Variants in PTPRD observed in about 807,000 individuals in gnomAD.
PTPRD encodes the protein receptor-type tyrosine-protein phosphatase delta.
Under a neutral mutation model 214.5 loss-of-function variants are expected in PTPRD, and 34 were observed. The ratio of observed to expected loss-of-function variants is 0.16; its 90% CI spans 0.12 to 0.21. The LOEUF (loss-of-function observed/expected upper bound fraction) is 0.21. PTPRD is among the 10% of genes least tolerant of loss of function. The pLI is 1.00. For synonymous variants in PTPRD, 1,128 were observed against 845.7 expected (o/e 1.33, Z -5.79); for missense variants, 2,545 against 2,398.7 (o/e 1.06, Z -1.27).
At chr9:9,222,915 C>A (rs919553832) in intron 9 of PTPRD, among the ~76,000 whole-genome samples, 3 of 152,048 alleles carry the variant, frequency 2.0e-5, no homozygotes, top group Non-Finnish European at 4.4e-5. Flanking sequence ...ATTTAAAAAA[C>A]AATGCAGATT....
At chr9:8,424,602 G>C (rs1195075911) in intron 35 of PTPRD, among the ~76,000 whole-genome samples, 3 of 151,922 alleles carry the variant, frequency 2.0e-5, no homozygotes, top group Non-Finnish European at 4.4e-5. Flanking sequence ...AGACTATTAT[G>C]ATATTAAAAT....
chr9:8,787,360 A>C (rs183416548), intron 11 of PTPRD, among the ~76,000 whole-genome samples: 18 of 152,300 alleles, frequency 1.2e-4, no homozygotes, highest in Admixed American at 2.0e-4. Context: ...CTCTAATATT[A>C]AAAATGGGTA....
intron 5 of PTPRD, among the ~76,000 whole-genome samples, chr9:9,824,042 C>T (rs1278567842): frequency 2.6e-5 from 4 of 151,880 alleles, no homozygotes; most frequent in Non-Finnish European, 5.9e-5. Context: ...ATGCAGTCAA[C>T]TCTTAGTTTC....
chr9:8,960,940 T>C (rs2099155371), intron 11 of PTPRD, among the ~76,000 whole-genome samples: 1 of 152,150 alleles, frequency 6.6e-6, no homozygotes, highest in African/African-American at 2.4e-5. Context: ...TATGAAGTTT[T>C]ATCTTGTTCC....
intron 7 of PTPRD, among the ~76,000 whole-genome samples, chr9:9,628,310 C>T (rs1055147908): frequency 3.9e-5 from 6 of 152,154 alleles, no homozygotes; most frequent in African/African-American, 1.4e-4. Context: ...CTTACAGGGG[C>T]TTATTCCATA....
In PTPRD at chr9:9,623,775, C is replaced by T. The variant is rs116628928; in HGVS notation, c.-286-48994G>A. On this transcript the variant is annotated intron_variant, in intron 7 of 45. Coordinates refer to ENST00000381196, the MANE Select transcript of PTPRD (RefSeq NM_002839.4). ...AAAGCTTGAAAAGCATTCCACAATA[C>T]ATTGACAGTCAACTTGTGAAAACAA... Among the ~76,000 whole-genome samples, 571 of 152,254 alleles carry T rather than the reference C, an allele frequency of 3.8e-3. 4 individuals are homozygous for T. Among genetic ancestry groups the T allele is most frequent in the African/African-American group, 0.013 (544 of 41,558 alleles).
intron 3 of PTPRD, among the ~76,000 whole-genome samples, chr9:10,218,466 G>C (rs2099551618): frequency 6.6e-6 from 1 of 151,814 alleles, no homozygotes; most frequent in Non-Finnish European, 1.5e-5. Flanking sequence ...AAAATTTTTA[G>C]CCTTTAGTAT....
At chr9:10,200,000 A>G (rs550033481) in intron 3 of PTPRD, among the ~76,000 whole-genome samples, 1 of 152,144 alleles carries the variant, frequency 6.6e-6, no homozygotes, top group Non-Finnish European at 1.5e-5. Flanking sequence ...TTAAAATACA[A>G]TTATTTATCC....
At chr9:10,035,886 C>T (rs1442834169) in intron 3 of PTPRD, among the ~76,000 whole-genome samples, 2 of 148,516 alleles carry the variant, frequency 1.3e-5, no homozygotes, top group African/African-American at 5.0e-5. Flanking sequence ...ATGCTTCTGA[C>T]AACTAACTTT....
At chr9:9,693,695 C>T (rs2097316822) in intron 7 of PTPRD, among the ~76,000 whole-genome samples, 1 of 152,132 alleles carries the variant, frequency 6.6e-6, no homozygotes, top group Non-Finnish European at 1.5e-5. Context: ...CTATGTCTTT[C>T]TCTACCTCCT....
chr9:9,987,549 G>C (rs2095760323), intron 4 of PTPRD, among the ~76,000 whole-genome samples: 1 of 152,110 alleles, frequency 6.6e-6, no homozygotes, highest in South Asian at 2.1e-4. Flanking sequence ...GCACGGGAAA[G>C]ACCTGCCCCG....
At chr9:8,498,513 G>C (rs1042237224) in intron 25 of PTPRD, among the ~76,000 whole-genome samples, 1 of 152,184 alleles carries the variant, frequency 6.6e-6, no homozygotes, top group South Asian at 2.1e-4. Context: ...CTTGACCAGG[G>C]GATCCGTCCG....
At chr9:8,578,711 T>C (rs958434839) in intron 14 of PTPRD, among the ~76,000 whole-genome samples, 8 of 152,144 alleles carry the variant, frequency 5.3e-5, no homozygotes, top group Non-Finnish European at 1.2e-4. Flanking sequence ...CTTAACATGT[T>C]GTACTTTATT....
chr9:9,106,403 C>T (rs1215431784), intron 10 of PTPRD, among the ~76,000 whole-genome samples: 3 of 151,278 alleles, frequency 2.0e-5, no homozygotes, highest in African/African-American at 7.3e-5. Context: ...TTAATCTTTC[C>T]AGCATCCATA....
At chr9:8,956,398 T>C (rs959061978) in intron 11 of PTPRD, among the ~76,000 whole-genome samples, 2 of 151,958 alleles carry the variant, frequency 1.3e-5, no homozygotes, top group African/African-American at 4.8e-5. Context: ...TAATTTTACA[T>C]TGTCTTTTTT....
intron 9 of PTPRD, among the ~76,000 whole-genome samples, chr9:9,337,776 T>C (rs1351849876): frequency 6.6e-6 from 1 of 152,208 alleles, no homozygotes; most frequent in Non-Finnish European, 1.5e-5. Flanking sequence ...AATTGTTCTC[T>C]TGATAACTAT....
chr9:10,608,509 T>G (rs73398242), intron 2 of PTPRD, among the ~76,000 whole-genome samples: 1 of 152,068 alleles, frequency 6.6e-6, no homozygotes, highest in South Asian at 2.1e-4. Context: ...ACAAGATGGC[T>G]GCCCCTAACT....
chr9:8,719,434 C>A (rs1479224717), intron 12 of PTPRD, among the ~76,000 whole-genome samples: 5 of 152,310 alleles, frequency 3.3e-5, no homozygotes, highest in Admixed American at 3.3e-4. Context: ...GGAGGCTAAT[C>A]AAACTAATCT....
chr9:9,908,003 G>C (rs1178861984), intron 5 of PTPRD, among the ~76,000 whole-genome samples: 4 of 151,668 alleles, frequency 2.6e-5, no homozygotes, highest in African/African-American at 2.4e-5. Context: ...CTTATACTTT[G>C]AGGACTATAT....
Sources: allele counts gnomAD v4.1 joint callset (sites outside exome capture counted in the v4.1 genomes callset), GRCh38; gene constraint gnomAD v4.1.1; transcripts MANE v1.5; gene names NCBI Gene and HGNC (gene_info 2026-07-23, HGNC 2026-07-21).